Variants in CHFR observed in about 807,000 individuals in gnomAD.
CHFR encodes checkpoint with forkhead and ring finger domains.
Under a neutral mutation model 87.6 loss-of-function variants are expected in CHFR, and 57 were observed. That is an observed-to-expected ratio of 0.65 (90% CI 0.53 to 0.81). The LOEUF (loss-of-function observed/expected upper bound fraction) is 0.81. Among genes scored for constraint, CHFR ranks in the 30% least tolerant of loss-of-function variants. CHFR has a pLI of 0.00. For synonymous variants in CHFR, 381 were observed against 359.2 expected (o/e 1.06, Z -0.69); for missense variants, 797 against 865.8 (o/e 0.92, Z 1.00).
intron 6 of CHFR, among the ~76,000 whole-genome samples, chr12:132,862,742 G>C (rs1183792136): frequency 6.6e-6 from 1 of 151,816 alleles, no homozygotes; most frequent in Non-Finnish European, 1.5e-5. Context: ...ACCATACCCA[G>C]CTAATTTTTT....
intron 3 of CHFR, among the ~76,000 whole-genome samples, chr12:132,877,272 G>A (rs1320129419): frequency 2.6e-5 from 4 of 152,046 alleles, no homozygotes; most frequent in Non-Finnish European, 4.4e-5. Flanking sequence ...AGGAGCAATC[G>A]GCTATACCAT....
chr12:132,867,892 G>T (rs1057225969), intron 6 of CHFR: 20 of 151,732 alleles, frequency 1.3e-4, no homozygotes, highest in African/African-American at 4.6e-4. Context: ...ATCTCAAAAA[G>T]ATTTTTCTAT....
chr12:132,886,051 C>T (rs1593547183), intron 2 of CHFR, among the ~76,000 whole-genome samples: 1 of 152,220 alleles, frequency 6.6e-6, no homozygotes, highest in Non-Finnish European at 1.5e-5. Context: ...GTGGTTCACA[C>T]CTGTAATCCC....
In CHFR at chr12:132,861,637, G is replaced by A. The variant is rs1338293775; in HGVS notation, c.584-3C>T. On this transcript the variant is annotated splice_region_variant and splice_polypyrimidine_tract_variant and intron_variant, in intron 6 of 17. Coordinates refer to ENST00000450056, the MANE Select transcript of CHFR (RefSeq NM_001161346.2). The stretch of plus-strand genomic sequence containing the variant: ...GGAGATGCCACCACCCCCAGACCCT[G>A]TGAGAGGAATCAAACAAGATAGGTG... The A allele has an allele frequency of 6.2e-7, 1 of 1,613,680 alleles. No individual in the cohort carries two copies. Among genetic ancestry groups the A allele is most frequent in the Non-Finnish European group, 8.5e-7 (1 of 1,179,670 alleles).
At position 132,835,809 on chromosome 12, in the gene CHFR, C is replaced by T. The variant is rs1950641645; in HGVS notation, c.*5745G>A. 6.2e-5 allele frequency: 21 copies of T among 336,094 alleles called. 1 individual carries two copies. Among genetic ancestry groups the T allele is most frequent in the South Asian group, 4.4e-4 (20 of 45,846 alleles). The allele number at this position is 336,094 out of a possible 1,614,324, so 20.8% of individuals were successfully genotyped here. ...TCACAAATGCATGCTCCCAGCACAG[C>T]GCACGGCCCTCACAGTGCCAGGCTC... On this transcript the variant is annotated 3_prime_UTR_variant, in exon 18 of 18. Transcript: ENST00000450056.
At chr12:132,842,348 T>G (rs569803165) in intron 17 of CHFR, among the ~76,000 whole-genome samples, 3 of 152,348 alleles carry the variant, frequency 2.0e-5, no homozygotes, top group Non-Finnish European at 4.4e-5. Flanking sequence ...TCTCTTTTTG[T>G]AACAACATGG....
At chr12:132,851,806 C>T (rs995401300) in intron 11 of CHFR, 69 bp from the exon 12 acceptor site, 21 of 1,531,262 alleles carry the variant, frequency 1.4e-5, no homozygotes, top group Middle Eastern at 2.2e-4. Flanking sequence ...TTAGAGAGGC[C>T]GCCGGGAAGC....
In CHFR at chr12:132,848,198, C is replaced by T. The variant is rs774111922; in HGVS notation, c.1577-43G>A. 8 of 1,613,784 alleles carry T rather than the reference C, an allele frequency of 5.0e-6. No homozygotes were observed. The Admixed American group carries it at 5.0e-5, about 10-fold the overall frequency. On this transcript the variant is annotated intron_variant, in intron 13 of 17. Coordinates refer to ENST00000450056, the MANE Select transcript of CHFR (RefSeq NM_001161346.2). ...CAATGTTACCTGTTTATAATGATGTCGCAGGAAAGCACTGTCTGCCCGACA... is the reference window on the plus strand; with the variant it reads ...CAATGTTACCTGTTTATAATGATGTTGCAGGAAAGCACTGTCTGCCCGACA...
intron 11 of CHFR, among the ~76,000 whole-genome samples, chr12:132,852,037 G>A (rs1238918857): frequency 6.6e-6 from 1 of 151,756 alleles, no homozygotes; most frequent in Non-Finnish European, 1.5e-5. Flanking sequence ...AGGCTGGACT[G>A]CAGTGGCGTG....
At chr12:132,874,444 T>C (rs1250587965) in intron 3 of CHFR, among the ~76,000 whole-genome samples, 1 of 47,680 alleles carries the variant, frequency 2.1e-5, no homozygotes, top group East Asian at 5.6e-4. Context: ...CAGGTCCTGA[T>C]GTAGGCGGGA....
chr12:132,845,055 G>A (rs968406094), intron 15 of CHFR, among the ~76,000 whole-genome samples: 1 of 147,036 alleles, frequency 6.8e-6, no homozygotes, highest in Non-Finnish European at 1.5e-5. Flanking sequence ...TGTACATTTG[G>A]CTATCTACAA....
rs150035482 is a variant in CHFR, at chr12:132,870,354, AAAAC to A, written c.403+366_403+369del. Among the ~76,000 whole-genome samples, 650 of 145,122 alleles carry A rather than the reference AAAAC, an allele frequency of 4.5e-3. 6 individuals are homozygous for A. Among genetic ancestry groups the A allele is most frequent in the African/African-American group, 0.014 (521 of 38,332 alleles). Reference sequence around the variant, plus strand: ...GCGACAAAGCGCGACTCCATCTCAAAAAACAAACAAACAAACAAACAAACAAAAT... The same window carrying A: ...GCGACAAAGCGCGACTCCATCTCAAAAAACAAACAAACAAACAAACAAAAT... On this transcript the variant is annotated intron_variant, in intron 5 of 17. Coordinates refer to ENST00000450056, the MANE Select transcript of CHFR (RefSeq NM_001161346.2).
intron 7 of CHFR, among the ~76,000 whole-genome samples, chr12:132,860,561 A>G (rs1951189816): frequency 6.6e-6 from 1 of 152,150 alleles, no homozygotes; most frequent in Non-Finnish European, 1.5e-5. Flanking sequence ...CCTTCCTGTC[A>G]CAGTGCCCCA....
rs552967878 is a variant in CHFR at position 132,837,066 on chromosome 12, T to G, written c.*4488A>C. The stretch of plus-strand genomic sequence containing the variant: ...GAGAGGCTGCAGAGGGAGGGGCTGG[T>G]ACCTGAGGGGCTGTTTGTGAGAATT... On this transcript the variant is annotated 3_prime_UTR_variant, in exon 18 of 18. Coordinates refer to ENST00000450056, the MANE Select transcript of CHFR (RefSeq NM_001161346.2). 2.2e-3 allele frequency: 744 copies of G among 331,568 alleles called. 2 individuals are homozygous for G. The highest frequency in any genetic ancestry group is 0.015 in the African/African-American group (687 of 45,716). The allele number at this position is 331,568 out of a possible 1,614,324, so 20.5% of individuals were successfully genotyped here.
rs990021776 is a variant in CHFR, at chr12:132,865,658, T to G, written c.583+3961A>C. Among the ~76,000 whole-genome samples the G allele has an allele frequency of 3.5e-4, 47 of 135,968 alleles. 2 individuals are homozygous for G. In the East Asian group the frequency reaches 8.2e-3, roughly 24 times the overall value. The allele number at this position is 135,968 out of a possible 152,430, so 89.2% of individuals were successfully genotyped here. A position where few individuals can be genotyped will look rare whatever the true frequency, so the allele number is the denominator to read the frequency against. On this transcript the variant is annotated intron_variant, in intron 6 of 17. Coordinates refer to ENST00000450056, the MANE Select transcript of CHFR (RefSeq NM_001161346.2). The stretch of plus-strand genomic sequence containing the variant: ...AAAGTGCTGGGATTACAGGTCTTTT[T>G]TTTTTTTTTTTTTTTTTTTGAGATG...
intron 5 of CHFR, 139 bp from the exon 6 acceptor site, chr12:132,869,937 G>C (rs575519453): frequency 1.9e-5 from 18 of 972,456 alleles, no homozygotes; most frequent in Non-Finnish European, 2.8e-5. Context: ...GGCCAGGCAC[G>C]GTGGTGCAGG....
At chr12:132,880,356 T>C (rs1227144367) in intron 2 of CHFR, among the ~76,000 whole-genome samples, 1 of 151,932 alleles carries the variant, frequency 6.6e-6, no homozygotes, top group Non-Finnish European at 1.5e-5. Flanking sequence ...AAGCTGAGGT[T>C]TGTCAAAAGT....
At chr12:132,851,951 G>A (rs547257437) in intron 11 of CHFR, among the ~76,000 whole-genome samples, 1 of 152,006 alleles carries the variant, frequency 6.6e-6, no homozygotes, top group South Asian at 2.1e-4. Context: ...CTTTGATTTA[G>A]CAGCTGGAGC....
At chr12:132,886,962 T>C (rs1296823117) in intron 2 of CHFR, among the ~76,000 whole-genome samples, 1 of 152,210 alleles carries the variant, frequency 6.6e-6, no homozygotes, top group African/African-American at 2.4e-5. Context: ...AATATTGCAT[T>C]CTGGAGAGTA....
Sources: gnomAD v4.1 joint callset for allele counts (sites outside exome capture counted in the v4.1 genomes callset) on GRCh38, gnomAD v4.1.1 for gene constraint, MANE v1.5 for transcripts, NCBI Gene and HGNC (gene_info 2026-07-23, HGNC 2026-07-21) for gene names.